The following DCTN6 variants were observed in gnomAD, a reference collection of about 807,000 sequenced individuals.
The protein encoded by DCTN6 is dynactin 6.
Under a neutral mutation model 25.8 loss-of-function variants are expected in DCTN6, and 15 were observed. The ratio of observed to expected loss-of-function variants is 0.58; its 90% CI spans 0.39 to 0.89. The LOEUF is 0.89. Among genes scored for constraint, DCTN6 ranks in the 40% least tolerant of loss-of-function variants. DCTN6 has a pLI of 0.00. For missense variants in DCTN6, 198 were observed against 237.6 expected (o/e 0.83, Z 1.09); for synonymous variants, 64 against 78.3 (o/e 0.82, Z 0.96).
At chr8:30,163,698 T>C (rs1483964459) in intron 1 of DCTN6, among the ~76,000 whole-genome samples, 2 of 150,572 alleles carry the variant, frequency 1.3e-5, no homozygotes, top group Non-Finnish European at 3.0e-5. Context: ...CATTTTTCCA[T>C]CTTTTTTTTT....
chr8:30,156,471 C>T, intron 1 of DCTN6, 65 bp downstream of exon 1: 1 of 1,551,178 alleles, frequency 6.4e-7, no homozygotes. Flanking sequence ...TGTTCCTGGT[C>T]GCCAATGGTG....
At chr8:30,161,121 T>C (rs1803588715) in intron 1 of DCTN6, among the ~76,000 whole-genome samples, 1 of 152,094 alleles carries the variant, frequency 6.6e-6, no homozygotes, top group African/African-American at 2.4e-5. Context: ...CCCCATGCTG[T>C]TCTTGTGAAA....
chr8:30,172,292 ATACT>A (rs1273824235), intron 2 of DCTN6, among the ~76,000 whole-genome samples: 1 of 152,228 alleles, frequency 6.6e-6, no homozygotes, highest in Admixed American at 6.5e-5. Flanking sequence ...CTATCTAGAT[ATACT>A]TACTTGGAAA....
At chr8:30,165,251 C>T (rs530409464) in intron 2 of DCTN6, among the ~76,000 whole-genome samples, 1 of 152,254 alleles carries the variant, frequency 6.6e-6, no homozygotes, top group African/African-American at 2.4e-5. Context: ...CTAAGTTCCT[C>T]AAACATTTTA....
intron 3 of DCTN6, among the ~76,000 whole-genome samples, chr8:30,176,256 G>A (rs541966163): frequency 1.1e-4 from 16 of 152,338 alleles, no homozygotes; most frequent in South Asian, 4.1e-4. Flanking sequence ...TAGGCTGGGC[G>A]TGGTGCCTCA....
chr8:30,178,523 A>G (rs1803874328), intron 4 of DCTN6, among the ~76,000 whole-genome samples: 1 of 152,006 alleles, frequency 6.6e-6, no homozygotes. Context: ...AGCAAAACAT[A>G]CTATAGTAGA....
In DCTN6 at chr8:30,173,020, C is replaced by A. The variant is rs190342272; in HGVS notation, c.89-2065C>A. Among the ~76,000 whole-genome samples the A allele has an allele frequency of 3.9e-5, 6 of 152,302 alleles. No homozygotes were observed. The East Asian group carries it at 9.6e-4, about 24-fold the overall frequency. The stretch of plus-strand genomic sequence containing the variant: ...ATCCCATCTTCCATCCTGAAATCTT[C>A]CATCCTGAATAGGAGAATATGCCTG... On this transcript the variant is annotated intron_variant, in intron 2 of 6. Transcript: ENST00000221114.
chr8:30,158,701 C>CTTTTTT (rs5890500), intron 1 of DCTN6, among the ~76,000 whole-genome samples: 7 of 99,006 alleles, frequency 7.1e-5, no homozygotes, highest in Admixed American at 1.3e-4. Context: ...AGTAGATTGA[C>CTTTTTT]TTTTTTTTTT....
At chr8:30,168,207 G>C (rs912709078) in intron 2 of DCTN6, among the ~76,000 whole-genome samples, 1 of 152,216 alleles carries the variant, frequency 6.6e-6, no homozygotes, top group Admixed American at 6.5e-5. Context: ...CCATGGTTCT[G>C]TCTTCTACAA....
chr8:30,170,984 T>A (rs565538714), intron 2 of DCTN6, among the ~76,000 whole-genome samples: 9 of 152,244 alleles, frequency 5.9e-5, no homozygotes, highest in South Asian at 2.1e-4. Context: ...GTGAAAAAAA[T>A]TTTTAAAAAT....
chr8:30,175,305 T>C (rs965882116), intron 3 of DCTN6, 115 bp downstream of exon 3: 9 of 800,256 alleles, frequency 1.1e-5, no homozygotes. Context: ...ATTTTAGAGC[T>C]AGAGAAGCAT....
chr8:30,164,494 G>A (rs1803639415), intron 2 of DCTN6, among the ~76,000 whole-genome samples: 1 of 152,202 alleles, frequency 6.6e-6, no homozygotes, highest in Non-Finnish European at 1.5e-5. Context: ...AGCAGACAAA[G>A]GTGCTGCCTT....
intron 2 of DCTN6, among the ~76,000 whole-genome samples, chr8:30,168,785 C>G (rs959579484): frequency 2.6e-5 from 4 of 152,204 alleles, no homozygotes; most frequent in African/African-American, 9.6e-5. Context: ...ACTTGAAGCT[C>G]TGCTGGAGCC....
At chr8:30,177,864 G>A (rs576343998) in intron 4 of DCTN6, among the ~76,000 whole-genome samples, 9 of 152,240 alleles carry the variant, frequency 5.9e-5, no homozygotes, top group East Asian at 1.9e-4. Flanking sequence ...TTAGACAAAC[G>A]CAGACACACA....
chr8:30,162,248 G>A (rs541398299), intron 1 of DCTN6, among the ~76,000 whole-genome samples: 29 of 151,944 alleles, frequency 1.9e-4, no homozygotes, highest in Admixed American at 1.6e-3. Context: ...CACCATGCCC[G>A]GCTAATTTTT....
At chr8:30,168,494 G>A (rs991847098) in intron 2 of DCTN6, among the ~76,000 whole-genome samples, 1 of 152,058 alleles carries the variant, frequency 6.6e-6, no homozygotes, top group African/African-American at 2.4e-5. Context: ...TTTTATTGTT[G>A]TTTTTACTTA....
chr8:30,165,455 A>AAC lies in DCTN6; in HGVS notation c.88+1280_88+1281insAC, dbSNP rs757636243. Among the ~76,000 whole-genome samples the AAC allele has an allele frequency of 2.3e-4, 35 of 150,476 alleles. 1 individual carries two copies. In the East Asian group the frequency reaches 6.4e-3, roughly 28 times the overall value. ...AGTTTCTTTAATGAAAAAAAAAAAA[A>AAC]CCCTGTAACGTCATTTTTTTTTTCC... is the stretch of plus-strand genomic sequence containing the variant. On this transcript the variant is annotated intron_variant, in intron 2 of 6. Transcript: ENST00000221114.
At chr8:30,177,725 A>C (rs1433323681) in intron 4 of DCTN6, among the ~76,000 whole-genome samples, 3 of 152,242 alleles carry the variant, frequency 2.0e-5, no homozygotes, top group African/African-American at 7.2e-5. Flanking sequence ...TCAAAAGAGA[A>C]TAAAAATAAA....
At chr8:30,178,024 G>A (rs1803864419) in intron 4 of DCTN6, among the ~76,000 whole-genome samples, 1 of 152,154 alleles carries the variant, frequency 6.6e-6, no homozygotes, top group South Asian at 2.1e-4. Flanking sequence ...TGTCAGTGTG[G>A]TTCCTCTGTA....
Sources: allele counts gnomAD v4.1 joint callset (sites outside exome capture counted in the v4.1 genomes callset), GRCh38; gene constraint gnomAD v4.1.1; transcripts MANE v1.5; gene names NCBI Gene and HGNC (gene_info 2026-07-23, HGNC 2026-07-21).